The following PARG variants were observed in gnomAD, a reference collection of about 807,000 sequenced individuals.
The protein encoded by PARG is poly(ADP-ribose) glycohydrolase.
PARG carries 35 observed loss-of-function variants against 113.0 expected under a neutral mutation model. That is an observed-to-expected ratio of 0.31 (90% CI 0.24 to 0.41). The LOEUF (loss-of-function observed/expected upper bound fraction) is 0.41. Ranked by LOEUF, PARG falls within the 10% of genes least tolerant of loss-of-function variation. PARG has a pLI of 1.00. For synonymous variants in PARG, 330 were observed against 409.9 expected (o/e 0.81, Z 2.36); for missense variants, 797 against 1,169.4 (o/e 0.68, Z 4.64).
chr10:49,892,805 G>C (rs1847873786), intron 7 of PARG, among the ~76,000 whole-genome samples: 1 of 152,190 alleles, frequency 6.6e-6, no homozygotes, highest in Non-Finnish European at 1.5e-5. Flanking sequence ...GTTCACGCCA[G>C]GCACGGTGGC....
intron 7 of PARG, among the ~76,000 whole-genome samples, chr10:49,903,335 T>C (rs1848429354): frequency 1.3e-5 from 2 of 152,098 alleles, no homozygotes; most frequent in African/African-American, 4.8e-5. Flanking sequence ...GGCCTTACCT[T>C]TTCTCTCTAC....
intron 1 of PARG, among the ~76,000 whole-genome samples, chr10:49,936,581 T>A (rs1327400096): frequency 1.3e-5 from 2 of 152,144 alleles, no homozygotes; most frequent in African/African-American, 2.4e-5. Context: ...CTGTCAAAAT[T>A]TAATATACTG....
intron 7 of PARG, among the ~76,000 whole-genome samples, chr10:49,890,146 T>A (rs1467316863): frequency 1.3e-5 from 2 of 152,174 alleles, no homozygotes; most frequent in East Asian, 1.9e-4. Flanking sequence ...GAGGTAAGCA[T>A]TTACATGATG....
At chr10:49,921,106 TG>T in intron 6 of PARG, among the ~76,000 whole-genome samples, 1 of 151,930 alleles carries the variant, frequency 6.6e-6, no homozygotes, top group South Asian at 2.1e-4. Flanking sequence ...GTCTAAGGAG[TG>T]GAAAAGGATG....
chr10:49,926,942 C>T (rs1472159037), intron 4 of PARG, among the ~76,000 whole-genome samples: 4 of 152,164 alleles, frequency 2.6e-5, no homozygotes, highest in Non-Finnish European at 5.9e-5. Context: ...CTACAGACGT[C>T]AGTGTCGGTG....
Position 49,869,523 on chromosome 10 carries a change from T to A in PARG, c.2021A>T (p.Glu674Val). ...LFEGRSSRKP[E>V]KLKTLFCYFR... ...GTAGCAGAAGAGCGTTTTAAGTTTC[T>A]CCGGTTTCCTTGATGAACGTCCCTC... The change falls in exon 10 of 18, where the codon GAG becomes GTG. Residue 674 changes from glutamate (E) to valine (V), a missense_variant. This residue lies in a region of PARG where 40 missense variants were observed against 124.5 expected (regional missense o/e 0.32). Coordinates refer to ENST00000616448, the MANE Select transcript of PARG (RefSeq NM_003631.5). The A allele has an allele frequency of 7.6e-7, 1 of 1,320,502 alleles. No homozygotes were observed. Among genetic ancestry groups the A allele is most frequent in the Non-Finnish European group, 1.1e-6 (1 of 933,058 alleles). The allele number at this position is 1,320,502 out of a possible 1,614,324, so 81.8% of individuals were successfully genotyped here. A position where few individuals can be genotyped will look rare whatever the true frequency, so the allele number is the denominator to read the frequency against.
At chr10:49,837,794 C>G (rs995336299) in intron 15 of PARG, among the ~76,000 whole-genome samples, 2 of 152,162 alleles carry the variant, frequency 1.3e-5, no homozygotes, top group Admixed American at 6.5e-5. Flanking sequence ...TTATCAGATG[C>G]CTTCCCATGT....
Position 49,922,623 on chromosome 10 carries a change from T to C in PARG, c.1502A>G (p.His501Arg), listed in dbSNP as rs782132318. ...CTTGTTATCCCACAAATCTTTATAA[T>C]GTGTTGGAAAAGGTTTAGGAACTTC... is the stretch of plus-strand genomic sequence containing the variant. ...AGEVPKPFPT[H>R]YKDLWDNKHV... The change falls in exon 5 of 18, where the codon CAT becomes CGT. Residue 501 changes from histidine to arginine, a missense_variant. His to Arg is a conservative substitution (Grantham distance 29, BLOSUM62 0). Around this residue, in one of 5 missense-constraint regions of PARG, gnomAD observed 252 missense variants for 437.4 expected, o/e 0.58. Transcript: ENST00000616448. 1.0e-5 allele frequency: 16 copies of C among 1,596,118 alleles called. No homozygotes were observed. The Admixed American group carries it at 2.4e-4, about 24-fold the overall frequency.
At chr10:49,820,316 G>A (rs1031493192) in intron 16 of PARG, 23 bp from the exon 17 acceptor site, 24 of 1,527,922 alleles carry the variant, frequency 1.6e-5, no homozygotes, top group Admixed American at 6.1e-5. Context: ...GAAAAGACAC[G>A]GCTATATCAT....
chr10:49,894,181 G>T (rs1329415669), intron 7 of PARG, among the ~76,000 whole-genome samples: 1 of 150,848 alleles, frequency 6.6e-6, no homozygotes, highest in South Asian at 2.1e-4. Flanking sequence ...CCACAGGCAT[G>T]TGCCACCATG....
intron 7 of PARG, among the ~76,000 whole-genome samples, chr10:49,891,639 T>C (rs1847811208): frequency 7.8e-6 from 1 of 127,738 alleles, no homozygotes; most frequent in Admixed American, 7.7e-5. Context: ...TTTTTTTTTT[T>C]TTTTTTTTGA....
intron 7 of PARG, chr10:49,910,048 T>C (rs1837078784): frequency 6.6e-6 from 1 of 151,768 alleles, no homozygotes; most frequent in Non-Finnish European, 1.5e-5. Flanking sequence ...AAAAGACAGA[T>C]ATAATAACAT....
Position 49,828,092 on chromosome 10 carries a change from C to CAAAAAAAAA in PARG, c.2647+4702_2647+4710dup, listed in dbSNP as rs71026274. Among the ~76,000 whole-genome samples, 460 of 50,426 alleles carry CAAAAAAAAA rather than the reference C, an allele frequency of 9.1e-3. 90 individuals carry two copies. Among genetic ancestry groups the CAAAAAAAAA allele is most frequent in the Non-Finnish European group, 0.012 (330 of 28,592 alleles). 33.1% of individuals were successfully genotyped at this position (50,426 alleles called of 152,430 possible). ...TGAGACGAGATGTAGAAAGCTTAAA[C>CAAAAAAAAA]AAAAAAAAAAAAAAAAAAAAAAAAA... On this transcript the variant is annotated intron_variant, in intron 16 of 17. Transcript: ENST00000616448.
intron 8 of PARG, among the ~76,000 whole-genome samples, chr10:49,880,387 C>T (rs1273539459): frequency 3.3e-5 from 5 of 151,702 alleles, no homozygotes; most frequent in African/African-American, 4.8e-5. Flanking sequence ...AACCACCATA[C>T]GGACATGCAT....
chr10:49,869,454 A>G (rs1554837489), intron 10 of PARG, 22 bp downstream of exon 10: 1 of 723,460 alleles, frequency 1.4e-6, no homozygotes, highest in Non-Finnish European at 2.5e-6. Flanking sequence ...GAAAAATTAC[A>G]GTAAGAATGA....
At chr10:49,820,498 G>A (rs1844017597) in intron 16 of PARG, among the ~76,000 whole-genome samples, 1 of 152,052 alleles carries the variant, frequency 6.6e-6, no homozygotes, top group African/African-American at 2.4e-5. Context: ...GAGGCAGGCA[G>A]ATCACCTGAG....
At chr10:49,836,865 A>G (rs1328010116) in intron 15 of PARG, among the ~76,000 whole-genome samples, 1 of 152,188 alleles carries the variant, frequency 6.6e-6, no homozygotes, top group Non-Finnish European at 1.5e-5. Context: ...ACCTTGTTCA[A>G]TCTCAGATTC....
intron 7 of PARG, among the ~76,000 whole-genome samples, chr10:49,895,482 C>T (rs184091234): frequency 4.6e-3 from 697 of 151,978 alleles, no homozygotes; most frequent in East Asian, 0.018. Flanking sequence ...CGGCTCACTG[C>T]AACCTCCGCC....
intron 7 of PARG, among the ~76,000 whole-genome samples, chr10:49,903,215 C>T (rs1447666926): frequency 3.3e-5 from 5 of 151,924 alleles, no homozygotes; most frequent in African/African-American, 1.2e-4. Context: ...TTGCTTAAGC[C>T]TAGGAATTTG....
Sources: allele counts gnomAD v4.1 joint callset (sites outside exome capture counted in the v4.1 genomes callset), GRCh38; gene constraint gnomAD v4.1.1; regional missense constraint gnomAD v4.1.1; transcripts MANE v1.5; gene names NCBI Gene and HGNC (gene_info 2026-07-23, HGNC 2026-07-21).